MYO1B: variants seen among roughly 807,000 people sequenced by gnomAD.
MYO1B encodes unconventional myosin-Ib.
A neutral mutation model predicts 159.7 loss-of-function variants in MYO1B; 72 were observed. The ratio of observed to expected loss-of-function variants is 0.45; its 90% CI spans 0.37 to 0.55. The LOEUF is 0.55. Ranked by LOEUF, MYO1B falls within the 20% of genes least tolerant of loss-of-function variation. The pLI is 0.00. For synonymous variants in MYO1B, 468 were observed against 473.8 expected (o/e 0.99, Z 0.16); for missense variants, 1,062 against 1,364.8 (o/e 0.78, Z 3.50).
intron 12 of MYO1B, among the ~76,000 whole-genome samples, 184 bp from the exon 13 acceptor site, chr2:191,370,043 T>C (rs551462583): frequency 1.8e-4 from 27 of 152,310 alleles, no homozygotes; most frequent in Non-Finnish European, 3.4e-4. Flanking sequence ...TCACCTATTA[T>C]TAAAATTTCT....
intron 17 of MYO1B, 104 bp downstream of exon 17, chr2:191,387,554 A>C (rs756500126): frequency 9.1e-6 from 9 of 992,472 alleles, no homozygotes; most frequent in Non-Finnish European, 1.4e-5. Flanking sequence ...AGCAGAGGGT[A>C]ACTAAAATAC....
intron 2 of MYO1B, among the ~76,000 whole-genome samples, chr2:191,281,884 T>A (rs1342858247): frequency 6.6e-6 from 1 of 152,192 alleles, no homozygotes; most frequent in Non-Finnish European, 1.5e-5. Context: ...AATTTTTAGA[T>A]CTTATGTTAA....
In MYO1B at chr2:191,277,107, CTCT is replaced by C. The variant is rs989714695; in HGVS notation, c.135+82_135+84del. On this transcript the variant is annotated intron_variant, in intron 2 of 30. Coordinates refer to ENST00000392318, the MANE Select transcript of MYO1B (RefSeq NM_001130158.3). ...AGAGAGCTGTCTTTTCTTCCTCAGA[CTCT>C]TCTTTCTTTTTTCTCTCTGTTTGAG... 3.3e-6 allele frequency: 5 copies of C among 1,516,508 alleles called. No individual in the cohort carries two copies. In the Admixed American group the frequency reaches 1.1e-4, roughly 32 times the overall value. 93.9% of individuals were successfully genotyped at this position (1,516,508 alleles called of 1,614,324 possible).
chr2:191,310,832 T>G (rs1201525043), intron 3 of MYO1B, among the ~76,000 whole-genome samples: 1 of 152,226 alleles, frequency 6.6e-6, no homozygotes, highest in Non-Finnish European at 1.5e-5. Context: ...TCAGACTTGT[T>G]AAATATGCCT....
chr2:191,390,613 T>C, intron 18 of MYO1B, 121 bp downstream of exon 18: 1 of 1,143,830 alleles, frequency 8.7e-7, no homozygotes, highest in South Asian at 1.7e-5. Context: ...AACCTCTGTT[T>C]TGGACCTTCT....
At chr2:191,294,013 C>G (rs1407221741) in intron 2 of MYO1B, among the ~76,000 whole-genome samples, 1 of 151,992 alleles carries the variant, frequency 6.6e-6, no homozygotes, top group African/African-American at 2.4e-5. Context: ...ATGAACATAC[C>G]CCATGTGATT....
chr2:191,407,028 G>A (rs541801015), intron 24 of MYO1B, among the ~76,000 whole-genome samples: 7 of 152,266 alleles, frequency 4.6e-5, no homozygotes, highest in African/African-American at 7.2e-5. Context: ...AGTTTGGAGC[G>A]TGCATGCCTC....
chr2:191,258,642 C>T (rs13407646), intron 1 of MYO1B, among the ~76,000 whole-genome samples: 5,768 of 152,230 alleles, frequency 0.038, 353 homozygotes, highest in African/African-American at 0.13. Context: ...TTGAGTAGGG[C>T]AGCGGTTATA....
At chr2:191,269,916 T>G (rs1687357589) in intron 1 of MYO1B, among the ~76,000 whole-genome samples, 1 of 152,162 alleles carries the variant, frequency 6.6e-6, no homozygotes, top group Non-Finnish European at 1.5e-5. Flanking sequence ...TCTTGTTTTG[T>G]TTTTTATATT....
chr2:191,395,700 C>T (rs1255286534), intron 20 of MYO1B, among the ~76,000 whole-genome samples: 1 of 152,230 alleles, frequency 6.6e-6, no homozygotes, highest in Non-Finnish European at 1.5e-5. Flanking sequence ...CTGGGAGCCT[C>T]ACTAGGTCTT....
chr2:191,385,299 A>G (rs1051165563), intron 15 of MYO1B, among the ~76,000 whole-genome samples: 13 of 152,352 alleles, frequency 8.5e-5, no homozygotes, highest in South Asian at 8.3e-4. Flanking sequence ...CTAAATCTAT[A>G]TGAAACAGAT....
At chr2:191,388,940 A>G (rs1695573136) in intron 17 of MYO1B, among the ~76,000 whole-genome samples, 1 of 152,136 alleles carries the variant, frequency 6.6e-6, no homozygotes, top group Non-Finnish European at 1.5e-5. Context: ...AAGGTTGTGA[A>G]TATATTATCG....
chr2:191,385,484 T>C (rs1414199315), intron 15 of MYO1B, among the ~76,000 whole-genome samples: 7 of 151,942 alleles, frequency 4.6e-5, no homozygotes. Flanking sequence ...CTTTGTGATT[T>C]GAGACATGTT....
intron 13 of MYO1B, among the ~76,000 whole-genome samples, chr2:191,376,447 A>G (rs1339776942): frequency 1.3e-5 from 2 of 152,228 alleles, no homozygotes; most frequent in African/African-American, 2.4e-5. Flanking sequence ...AACACCAAAT[A>G]AATCTTTGCA....
At chr2:191,252,320 A>C (rs990706969) in intron 1 of MYO1B, among the ~76,000 whole-genome samples, 2 of 152,222 alleles carry the variant, frequency 1.3e-5, no homozygotes, top group Admixed American at 6.5e-5. Context: ...GGTCAGGTTC[A>C]GGGCTTATTT....
At chr2:191,415,149 C>CA (rs1697482726) in intron 29 of MYO1B, among the ~76,000 whole-genome samples, 1 of 152,146 alleles carries the variant, frequency 6.6e-6, no homozygotes, top group South Asian at 2.1e-4. Context: ...TAATTTTGGC[C>CA]AAGGCATTTA....
chr2:191,370,243 G>A lies in MYO1B; in HGVS notation c.1136G>A (p.Arg379Lys), dbSNP rs1694274763. 6.2e-7 allele frequency: 1 copy of A among 1,612,868 alleles called. No individual in the cohort carries two copies. The highest frequency in any genetic ancestry group is 1.3e-5 in the African/African-American group (1 of 74,884). ...TTTTTAAAGGCACAAACAAAAGTGA[G>A]AAAGAAGGTCATGGGTGTTCTGGAC... The part of the protein sequence containing the change: ...NESIKAQTKV[R>K]KKVMGVLDIY... The change falls in exon 13 of 31, where the codon AGA (arginine) becomes AAA (lysine). Residue 379 changes from arginine (R) to lysine (K), a missense_variant. Around this residue, in one of 5 missense-constraint regions of MYO1B, gnomAD observed 415 missense variants for 544.0 expected, o/e 0.76. Coordinates refer to ENST00000392318, the MANE Select transcript of MYO1B (RefSeq NM_001130158.3).
intron 8 of MYO1B, among the ~76,000 whole-genome samples, chr2:191,361,592 GATATATA>G (rs1693676225): frequency 1.3e-5 from 2 of 150,284 alleles, no homozygotes; most frequent in Admixed American, 6.7e-5. Flanking sequence ...TATATATGTA[GATATATA>G]ATATATACAT....
chr2:191,420,731 G>A (rs910985698), intron 30 of MYO1B, among the ~76,000 whole-genome samples: 4 of 152,142 alleles, frequency 2.6e-5, no homozygotes, highest in East Asian at 3.9e-4. Flanking sequence ...AAATATATGT[G>A]TGTGTATATA....
Sources: allele counts gnomAD v4.1 joint callset (sites outside exome capture counted in the v4.1 genomes callset), GRCh38; gene constraint gnomAD v4.1.1; regional missense constraint gnomAD v4.1.1; transcripts MANE v1.5; gene names NCBI Gene and HGNC (gene_info 2026-07-23, HGNC 2026-07-21).